The following CSMD1 variants were observed in gnomAD, a reference collection of about 807,000 sequenced individuals.
CSMD1 encodes the protein CUB and Sushi multiple domains 1, also known as CUB and sushi domain-containing protein 1.
In CSMD1, 213 loss-of-function variants were observed where a neutral mutation model predicts 417.5. The ratio of observed to expected loss-of-function variants is 0.51; its 90% CI spans 0.46 to 0.57. The LOEUF (loss-of-function observed/expected upper bound fraction) is 0.57. Ranked by LOEUF, CSMD1 falls within the 20% of genes least tolerant of loss-of-function variation. The pLI is 0.00. For synonymous variants in CSMD1, 2,862 were observed against 1,736.8 expected (o/e 1.65, Z -16.11); for missense variants, 6,923 against 4,529.7 (o/e 1.53, Z -15.17).
intron 2 of CSMD1, among the ~76,000 whole-genome samples, chr8:4,596,686 A>C (rs921983449): frequency 6.6e-5 from 10 of 152,172 alleles, no homozygotes; most frequent in Admixed American, 2.0e-4. Context: ...ACTCGGTCTA[A>C]CTTCAGTTCA....
At chr8:3,261,917 G>A (rs1003130088) in intron 26 of CSMD1, among the ~76,000 whole-genome samples, 4 of 152,086 alleles carry the variant, frequency 2.6e-5, no homozygotes, top group Non-Finnish European at 4.4e-5. Flanking sequence ...TGGGGGAAAT[G>A]TCCTACTTAT....
chr8:3,219,334 C>T lies in CSMD1; in HGVS notation c.4593G>A (p.Glu1531=), dbSNP rs944210239. Residue 1531 remains glutamate (E), a synonymous_variant, in exon 29 of 70, where the codon GAG becomes GAA. Coordinates refer to ENST00000635120, the MANE Select transcript of CSMD1 (RefSeq NM_033225.6). Reference sequence around the variant, plus strand: ...CCAGAAACAGGCTGTTTCCGCTACTCTCTATTCTTTCTGGGGCCTGAGAGC... The same window carrying T: ...CCAGAAACAGGCTGTTTCCGCTACTTTCTATTCTTTCTGGGGCCTGAGAGC... ...YQGSQAPERI[E]SSGNSLFLAF... 4 of 1,583,364 alleles carry T rather than the reference C, an allele frequency of 2.5e-6. No homozygotes were observed. In the African/African-American group the frequency reaches 4.0e-5, roughly 16 times the overall value.
intron 5 of CSMD1, among the ~76,000 whole-genome samples, chr8:3,894,659 C>A (rs73172297): frequency 2.0e-5 from 3 of 152,160 alleles, no homozygotes; most frequent in Admixed American, 6.5e-5. Flanking sequence ...ATTAACCTAA[C>A]AAGAGAGTCT....
intron 3 of CSMD1, among the ~76,000 whole-genome samples, chr8:4,171,263 C>G (rs1186443410): frequency 6.6e-6 from 1 of 151,948 alleles, no homozygotes. Context: ...GTTTTCCTAA[C>G]TCATTCATTC....
intron 3 of CSMD1, among the ~76,000 whole-genome samples, chr8:4,146,034 A>G (rs1347364144): frequency 6.6e-6 from 1 of 150,796 alleles, no homozygotes; most frequent in Non-Finnish European, 1.5e-5. Flanking sequence ...TCTGTTGGGG[A>G]GTGAACACTT....
chr8:4,486,719 A>C (rs899790592), intron 2 of CSMD1, among the ~76,000 whole-genome samples: 1 of 150,904 alleles, frequency 6.6e-6, no homozygotes, highest in Non-Finnish European at 1.5e-5. Flanking sequence ...AAAATGTACA[A>C]AGAGGGTTCC....
At chr8:3,806,617 A>G (rs922454310) in intron 5 of CSMD1, among the ~76,000 whole-genome samples, 1 of 152,188 alleles carries the variant, frequency 6.6e-6, no homozygotes, top group Non-Finnish European at 1.5e-5. Flanking sequence ...CAACATCAAT[A>G]ATCAATGTAA....
chr8:4,223,909 C>G (rs921425657), intron 3 of CSMD1, among the ~76,000 whole-genome samples: 1 of 152,186 alleles, frequency 6.6e-6, no homozygotes, highest in African/African-American at 2.4e-5. Context: ...CACTATTTCT[C>G]TTCCAGACGG....
At chr8:4,717,326 TAC>T (rs942087864) in intron 1 of CSMD1, among the ~76,000 whole-genome samples, 3 of 146,690 alleles carry the variant, frequency 2.0e-5, no homozygotes, top group Admixed American at 1.3e-4. Flanking sequence ...TATATATATA[TAC>T]ACACACACAC....
At chr8:4,248,124 A>T (rs1392364798) in intron 3 of CSMD1, among the ~76,000 whole-genome samples, 2 of 152,042 alleles carry the variant, frequency 1.3e-5, no homozygotes, top group South Asian at 2.1e-4. Context: ...TATTTTTTTT[A>T]AACAAATGGG....
At chr8:4,818,416 T>C (rs1799327121) in intron 1 of CSMD1, among the ~76,000 whole-genome samples, 2 of 152,200 alleles carry the variant, frequency 1.3e-5, no homozygotes, top group Non-Finnish European at 2.9e-5. Context: ...TCGTTTTCTT[T>C]TCTTAACATT....
chr8:3,059,767 C>G (rs1812468083), intron 49 of CSMD1, among the ~76,000 whole-genome samples: 1 of 152,108 alleles, frequency 6.6e-6, no homozygotes, highest in Admixed American at 6.6e-5. Flanking sequence ...CTTGGACCCA[C>G]TGAGTAGCTG....
At position 4,364,604 on chromosome 8, in the gene CSMD1, C is replaced by T. The variant is rs1252488407; in HGVS notation, c.415+55349G>A. On this transcript the variant is annotated intron_variant, in intron 3 of 69. Coordinates refer to ENST00000635120, the MANE Select transcript of CSMD1 (RefSeq NM_033225.6). ...CTTTGGGAGGCCGAGGCGGGCGGAT[C>T]ACGAGGTCAGGAGATCGAGACCATC... is the stretch of plus-strand genomic sequence containing the variant. 2.7e-5 allele frequency among the ~76,000 whole-genome samples: 2 copies of T among 74,992 alleles called. 1 individual carries two copies. Among genetic ancestry groups the T allele is most frequent in the East Asian group, 7.5e-4 (2 of 2,666 alleles). The allele number at this position is 74,992 out of a possible 152,430, so 49.2% of individuals were successfully genotyped here.
intron 1 of CSMD1, among the ~76,000 whole-genome samples, chr8:4,844,671 A>G (rs1208795676): frequency 6.6e-6 from 1 of 152,214 alleles, no homozygotes; most frequent in Non-Finnish European, 1.5e-5. Flanking sequence ...GATCAAAAAG[A>G]AATAGAATTT....
chr8:4,028,645 G>A (rs191670547), intron 4 of CSMD1, among the ~76,000 whole-genome samples: 1 of 152,308 alleles, frequency 6.6e-6, no homozygotes. Flanking sequence ...TTAAAAGCCA[G>A]ACTTGTGTTT....
At chr8:3,597,383 A>AAAGCCTCTGTCTT (rs57081986) in intron 8 of CSMD1, among the ~76,000 whole-genome samples, 21 of 151,706 alleles carry the variant, frequency 1.4e-4, no homozygotes, top group African/African-American at 4.8e-4. Flanking sequence ...AACTGCCCCT[A>AAAGCCTCTGTCTT]AAGCTGATTT....
chr8:4,797,377 C>A (rs574678644), intron 1 of CSMD1, among the ~76,000 whole-genome samples: 1 of 152,062 alleles, frequency 6.6e-6, no homozygotes, highest in South Asian at 2.1e-4. Context: ...AAGAGTGTTC[C>A]GCCTGAATCT....
intron 30 of CSMD1, among the ~76,000 whole-genome samples, chr8:3,207,631 C>T (rs913256779): frequency 6.6e-6 from 1 of 152,070 alleles, no homozygotes. Context: ...AAGAAATTTC[C>T]TGAATCCCTG....
intron 3 of CSMD1, among the ~76,000 whole-genome samples, chr8:4,288,174 C>T (rs1197260888): frequency 6.6e-6 from 1 of 152,084 alleles, no homozygotes; most frequent in African/African-American, 2.4e-5. Flanking sequence ...GAGAGTAGAA[C>T]ACTTTTCTTT....
Sources: allele counts gnomAD v4.1 joint callset (sites outside exome capture counted in the v4.1 genomes callset), GRCh38; gene constraint gnomAD v4.1.1; transcripts MANE v1.5; gene names NCBI Gene and HGNC (gene_info 2026-07-23, HGNC 2026-07-21).